The following MAD2L1 variants were observed in gnomAD, a reference collection of about 807,000 sequenced individuals.
MAD2L1 encodes the protein mitotic spindle assembly checkpoint protein MAD2A.
Under a neutral mutation model 25.9 loss-of-function variants are expected in MAD2L1, and 10 were observed. That is an observed-to-expected ratio of 0.39 (90% CI 0.24 to 0.66). MAD2L1 has a LOEUF of 0.66. Among genes scored for constraint, MAD2L1 ranks in the 30% least tolerant of loss-of-function variants. The pLI, the probability that MAD2L1 is intolerant of heterozygous loss-of-function variation, is 0.49. For synonymous variants in MAD2L1, 81 were observed against 91.8 expected (o/e 0.88, Z 0.67); for missense variants, 180 against 246.4 (o/e 0.73, Z 1.80).
At chr4:120,065,376 T>C (rs1400710973) in intron 2 of MAD2L1, 2 of 252,434 alleles carry the variant, frequency 7.9e-6, no homozygotes, top group African/African-American at 4.4e-5. Context: ...ATTATAATTA[T>C]GTAAAATTCC....
chr4:120,066,526 T>C (rs1409224224), intron 1 of MAD2L1, 136 bp downstream of exon 1: 3 of 697,332 alleles, frequency 4.3e-6, no homozygotes, highest in South Asian at 2.2e-5. Flanking sequence ...AGCTCCACGT[T>C]AGCAACGCGT....
At chr4:120,061,653 A>T (rs1726219935) in intron 3 of MAD2L1, among the ~76,000 whole-genome samples, 1 of 152,132 alleles carries the variant, frequency 6.6e-6, no homozygotes, top group African/African-American at 2.4e-5. Flanking sequence ...TTATAGTTAA[A>T]AATATCTTAG....
At position 120,059,186 on chromosome 4, in the gene MAD2L1, A is replaced by G. The variant is rs1285079368; in HGVS notation, c.*932T>C. On this transcript the variant is annotated 3_prime_UTR_variant, in exon 5 of 5. Coordinates refer to ENST00000296509, the MANE Select transcript of MAD2L1 (RefSeq NM_002358.4). ...ACACTTGTTCAACTGGAATTGTTGG[A>G]CTAATTCCAAAGGACATTTATCTTT... 6.6e-6 allele frequency: 1 copy of G among 152,236 alleles called. No individual in the cohort carries two copies. The highest frequency in any genetic ancestry group is 2.4e-5 in the African/African-American group (1 of 41,466). 9.4% of individuals were successfully genotyped at this position (152,236 alleles called of 1,614,324 possible). A position where few individuals can be genotyped will look rare whatever the true frequency, so the allele number is the denominator to read the frequency against.
rs189030169 is a variant in MAD2L1, at chr4:120,056,789, A to T, written c.*3329T>A. On this transcript the variant is annotated 3_prime_UTR_variant, in exon 5 of 5. Coordinates refer to ENST00000296509, the MANE Select transcript of MAD2L1 (RefSeq NM_002358.4). The stretch of plus-strand genomic sequence containing the variant: ...CTCTCTTTTTATGGCATCACATGCC[A>T]AAGAACCTCCCTTAACAAGTTTTCA... 6.6e-6 allele frequency: 1 copy of T among 152,284 alleles called. No individual in the cohort carries two copies. The highest frequency in any genetic ancestry group is 2.1e-4 in the South Asian group (1 of 4,824). The allele number at this position is 152,284 out of a possible 1,614,324, so 9.4% of individuals were successfully genotyped here. A position where few individuals can be genotyped will look rare whatever the true frequency, so the allele number is the denominator to read the frequency against.
Position 120,060,962 on chromosome 4 carries a change from CT to C in MAD2L1, c.356del (p.Lys119SerfsTer13). 6.2e-7 allele frequency: 1 copy of C among 1,607,212 alleles called. No homozygotes were observed. The highest frequency in any genetic ancestry group is 8.5e-7 in the Non-Finnish European group (1 of 1,174,490). ...TAKDDSAPRE[K>X]SQKAIQDEIR... ...TTTCATCCTGGATAGCTTTCTGAGA[CT>C]TTTCTCTGGGTGCACTGTCAAAAAA... is the stretch of plus-strand genomic sequence containing the variant. On this transcript the variant is annotated frameshift_variant, in exon 4 of 5. Transcript: ENST00000296509. LOFTEE classifies it high-confidence loss of function.
rs1421746593 is a variant in MAD2L1, at chr4:120,056,108, T to C, written c.*4010A>G. 6.6e-6 allele frequency: 1 copy of C among 152,176 alleles called. No homozygotes were observed. Among genetic ancestry groups the C allele is most frequent in the Non-Finnish European group, 1.5e-5 (1 of 68,038 alleles). The allele number at this position is 152,176 out of a possible 1,614,324, so 9.4% of individuals were successfully genotyped here. A position where few individuals can be genotyped will look rare whatever the true frequency, so the allele number is the denominator to read the frequency against. On this transcript the variant is annotated 3_prime_UTR_variant, in exon 5 of 5. Coordinates refer to ENST00000296509, the MANE Select transcript of MAD2L1 (RefSeq NM_002358.4). ...CAGGATGAACTTCCTTGGCTAGGGATAGAAGGAAGAGATCACCTAAACTTC... is the reference window on the plus strand; with the variant it reads ...CAGGATGAACTTCCTTGGCTAGGGACAGAAGGAAGAGATCACCTAAACTTC...
chr4:120,066,560 C>T, intron 1 of MAD2L1, 102 bp downstream of exon 1: 1 of 1,077,588 alleles, frequency 9.3e-7, no homozygotes, highest in Non-Finnish European at 1.4e-6. Flanking sequence ...CTGCAGCCGC[C>T]TCTCCCCAGA....
intron 1 of MAD2L1, among the ~76,000 whole-genome samples, chr4:120,066,279 G>A (rs1191367333): frequency 6.6e-6 from 1 of 151,960 alleles, no homozygotes; most frequent in Non-Finnish European, 1.5e-5. Context: ...CCAAAGTCTT[G>A]TCTACTGCCA....
At chr4:120,065,907 T>C (rs1259953844) in intron 1 of MAD2L1, 89 bp from the exon 2 acceptor site, 4 of 1,325,492 alleles carry the variant, frequency 3.0e-6, no homozygotes, top group African/African-American at 1.5e-5. Context: ...ATATTTTCAT[T>C]AGGCTATACA....
chr4:120,065,910 G>T, intron 1 of MAD2L1, 92 bp from the exon 2 acceptor site: 1 of 1,257,784 alleles, frequency 8.0e-7, no homozygotes, highest in Non-Finnish European at 1.1e-6. Flanking sequence ...TTTTCATTAG[G>T]CTATACAGCT....
chr4:120,065,894 G>A, intron 1 of MAD2L1, 76 bp from the exon 2 acceptor site: 6 of 1,468,130 alleles, frequency 4.1e-6, no homozygotes, highest in Non-Finnish European at 5.6e-6. Context: ...TTTAGATGTT[G>A]CTATATTTTC....
At chr4:120,066,549 C>G (rs960056164) in intron 1 of MAD2L1, 113 bp downstream of exon 1, 2 of 929,154 alleles carry the variant, frequency 2.2e-6, no homozygotes, top group Non-Finnish European at 3.2e-6. Context: ...GGAGGAAGCG[C>G]CTGCAGCCGC....
Position 120,062,055 on chromosome 4 carries a change from A to G in MAD2L1, c.261T>C (p.Val87=), listed in dbSNP as rs1726227733. Residue 87 remains valine, a synonymous_variant, in exon 3 of 5, where the codon GTT becomes GTC. Coordinates refer to ENST00000296509, the MANE Select transcript of MAD2L1 (RefSeq NM_002358.4). ...CCTCACCACTTTCAATATTTGAGATAACTACAACCAGTTTCTGAACTGAAC... is the reference window on the plus strand; with the variant it reads ...CCTCACCACTTTCAATATTTGAGATGACTACAACCAGTTTCTGAACTGAAC... ...YKCSVQKLVV[V]ISNIESGEVL... is the part of the protein sequence containing the mutation. 5.0e-6 allele frequency: 8 copies of G among 1,612,650 alleles called. No homozygotes were observed. In the South Asian group the frequency reaches 5.5e-5, roughly 11 times the overall value.
In MAD2L1 at chr4:120,057,098, T is replaced by C. The variant is rs1474829864; in HGVS notation, c.*3020A>G. On this transcript the variant is annotated 3_prime_UTR_variant, in exon 5 of 5. Coordinates refer to ENST00000296509, the MANE Select transcript of MAD2L1 (RefSeq NM_002358.4). ...GGGCCGAAGCAAACAGCCATGTTTTTTTCTTATTGGAACACACTCACGCTC... is the reference window on the plus strand; with the variant it reads ...GGGCCGAAGCAAACAGCCATGTTTTCTTCTTATTGGAACACACTCACGCTC... 1.3e-5 allele frequency: 2 copies of C among 152,212 alleles called. No individual in the cohort carries two copies. The highest frequency in any genetic ancestry group is 2.1e-4 in the South Asian group (1 of 4,830). 9.4% of individuals were successfully genotyped at this position (152,212 alleles called of 1,614,324 possible).
In MAD2L1 at chr4:120,066,423, G is replaced by T. The variant is rs148453294; in HGVS notation, c.73+239C>A. Among the ~76,000 whole-genome samples the T allele has an allele frequency of 1.9e-4, 29 of 152,268 alleles. No individual in the cohort carries two copies. The East Asian group carries it at 5.4e-3, about 28-fold the overall frequency. On this transcript the variant is annotated intron_variant, in intron 1 of 4. Transcript: ENST00000296509. The stretch of plus-strand genomic sequence containing the variant: ...CACCGTGTCCTGTATCGGAAAGTAA[G>T]GGGTGGGAGGTGGGACGGATCTGCA...
At chr4:120,064,883 T>TA (rs36044461) in intron 2 of MAD2L1, among the ~76,000 whole-genome samples, 279 of 147,934 alleles carry the variant, frequency 1.9e-3, no homozygotes, top group Non-Finnish European at 3.3e-3. Context: ...ATTTCTAAAT[T>TA]AAAAAAAAAA....
rs1307394585 is a variant in MAD2L1, at chr4:120,066,806, C to A, written c.-72G>T. On this transcript the variant is annotated 5_prime_UTR_variant, in exon 1 of 5. Transcript: ENST00000296509. ...AACCACAGCGGCTCCAACAGCACTT[C>A]CCCGCCAAGCGTTTCAAAAGTAACG... 1.5e-5 allele frequency: 17 copies of A among 1,128,068 alleles called. No homozygotes were observed. In the South Asian group the frequency reaches 2.0e-4, roughly 13 times the overall value. The allele number at this position is 1,128,068 out of a possible 1,614,324, so 69.9% of individuals were successfully genotyped here. A position where few individuals can be genotyped will look rare whatever the true frequency, so the allele number is the denominator to read the frequency against.
At position 120,064,694 on chromosome 4, in the gene MAD2L1, C is replaced by T. The variant is rs758593804; in HGVS notation, c.220+978G>A. ...GTTGTTGTGGGATTCCCCTCCTGTA[C>T]ACATAAATGGCAAGGCAATGTTAAC... On this transcript the variant is annotated intron_variant, in intron 2 of 4. Coordinates refer to ENST00000296509, the MANE Select transcript of MAD2L1 (RefSeq NM_002358.4). Among the ~76,000 whole-genome samples, 10 of 152,074 alleles carry T rather than the reference C, an allele frequency of 6.6e-5. 1 individual carries two copies. In the South Asian group the frequency reaches 1.2e-3, roughly 19 times the overall value.
Position 120,056,669 on chromosome 4 carries a change from CTA to C in MAD2L1, c.*3447_*3448del, listed in dbSNP as rs956548475. 2 of 152,012 alleles carry C rather than the reference CTA, an allele frequency of 1.3e-5. No homozygotes were observed. Among genetic ancestry groups the C allele is most frequent in the African/African-American group, 4.8e-5 (2 of 41,384 alleles). The allele number at this position is 152,012 out of a possible 1,614,324, so 9.4% of individuals were successfully genotyped here. A position where few individuals can be genotyped will look rare whatever the true frequency, so the allele number is the denominator to read the frequency against. On this transcript the variant is annotated 3_prime_UTR_variant, in exon 5 of 5. Coordinates refer to ENST00000296509, the MANE Select transcript of MAD2L1 (RefSeq NM_002358.4). ...TAAAAACATTTTTCAGCATGCATGT[CTA>C]TATAGTGAAAAAATGATTAAAAATA...
Sources: allele counts gnomAD v4.1 joint callset (sites outside exome capture counted in the v4.1 genomes callset), GRCh38; gene constraint gnomAD v4.1.1; transcripts MANE v1.5; gene names NCBI Gene and HGNC (gene_info 2026-07-23, HGNC 2026-07-21).